SUPT3H: variants seen among roughly 807,000 people sequenced by gnomAD.
The protein encoded by SUPT3H is SPT3 homolog, SAGA and STAGA complex component.
In SUPT3H, 44 loss-of-function variants were observed where a neutral mutation model predicts 44.3. That is an observed-to-expected ratio of 0.99 (90% confidence interval 0.78 to 1.28). SUPT3H has a LOEUF of 1.28. Among genes scored for constraint, SUPT3H ranks in the 50% most tolerant of loss-of-function variants. The pLI is 0.00. For missense variants in SUPT3H, 380 were observed against 387.1 expected (o/e 0.98, Z 0.15); for synonymous variants, 124 against 125.6 (o/e 0.99, Z 0.09).
chr6:44,905,594 T>C (rs1023871285), intron 10 of SUPT3H, among the ~76,000 whole-genome samples: 5 of 152,072 alleles, frequency 3.3e-5, no homozygotes, highest in Non-Finnish European at 5.9e-5. Context: ...AGTTCAACCA[T>C]TGTGGAAGTC....
At chr6:45,293,966 C>A (rs1473123899) in intron 2 of SUPT3H, among the ~76,000 whole-genome samples, 2 of 152,014 alleles carry the variant, frequency 1.3e-5, no homozygotes, top group South Asian at 2.1e-4. Context: ...AAAGAGGGAA[C>A]CCTCCCTAAA....
rs1257946269 is a variant in SUPT3H at position 44,826,961 on chromosome 6, A to T, written c.*2855T>A. On this transcript the variant is annotated 3_prime_UTR_variant, in exon 11 of 11. Coordinates refer to ENST00000371459, the MANE Select transcript of SUPT3H (RefSeq NM_003599.4). ...GTATTTTTGAATCACAACGATTACAATCTAAGAAGGCAGGAAAGCTAATGG... is the reference window on the plus strand; with the variant it reads ...GTATTTTTGAATCACAACGATTACATTCTAAGAAGGCAGGAAAGCTAATGG... Among the ~76,000 whole-genome samples, 1 of 152,224 alleles carries T rather than the reference A, an allele frequency of 6.6e-6. No individual in the cohort carries two copies. Among genetic ancestry groups the T allele is most frequent in the African/African-American group, 2.4e-5 (1 of 41,468 alleles).
At chr6:45,188,305 G>A (rs1044727796) in intron 2 of SUPT3H, among the ~76,000 whole-genome samples, 2 of 152,236 alleles carry the variant, frequency 1.3e-5, no homozygotes, top group Admixed American at 6.5e-5. Context: ...AGATTGCTAA[G>A]ACGTATAGTA....
intron 2 of SUPT3H, among the ~76,000 whole-genome samples, chr6:45,186,591 T>C (rs1228426422): frequency 6.6e-6 from 1 of 152,166 alleles, no homozygotes; most frequent in African/African-American, 2.4e-5. Context: ...ACCACACTTC[T>C]ACCAGATTTA....
At chr6:44,866,044 C>T (rs1414052080) in intron 10 of SUPT3H, among the ~76,000 whole-genome samples, 1 of 148,070 alleles carries the variant, frequency 6.8e-6, no homozygotes, top group Non-Finnish European at 1.5e-5. Context: ...AGAGAGATAA[C>T]AGGAATTAAA....
intron 2 of SUPT3H, among the ~76,000 whole-genome samples, chr6:45,162,579 G>A (rs1176801512): frequency 6.6e-6 from 1 of 152,048 alleles, no homozygotes; most frequent in African/African-American, 2.4e-5. Flanking sequence ...CTCAACAAAT[G>A]GGTATAAAAC....
At chr6:44,883,551 A>G (rs186014277) in intron 10 of SUPT3H, among the ~76,000 whole-genome samples, 1 of 152,328 alleles carries the variant, frequency 6.6e-6, no homozygotes, top group Admixed American at 6.5e-5. Context: ...TGGAATCAAA[A>G]AAGAGCTCAT....
chr6:44,859,202 T>C (rs1774217431), intron 10 of SUPT3H, among the ~76,000 whole-genome samples: 1 of 152,218 alleles, frequency 6.6e-6, no homozygotes, highest in Non-Finnish European at 1.5e-5. Flanking sequence ...AAGAGGGTGA[T>C]ACTGTGTCTC....
chr6:45,056,480 T>A (rs909635470), intron 3 of SUPT3H, among the ~76,000 whole-genome samples: 1 of 152,214 alleles, frequency 6.6e-6, no homozygotes, highest in African/African-American at 2.4e-5. Context: ...AGGTACATCA[T>A]GGAATACTCC....
chr6:45,317,002 G>A (rs543220261), intron 2 of SUPT3H, among the ~76,000 whole-genome samples: 60 of 151,998 alleles, frequency 3.9e-4, no homozygotes, highest in East Asian at 5.8e-4. Context: ...CAAGGTGGGC[G>A]GATCACTTGA....
chr6:45,184,206 G>T (rs1344974019), intron 2 of SUPT3H, among the ~76,000 whole-genome samples: 1 of 152,118 alleles, frequency 6.6e-6, no homozygotes, highest in African/African-American at 2.4e-5. Flanking sequence ...TTAAGTTTTA[G>T]AAACAGTGTG....
At chr6:45,042,843 G>C (rs1229039476) in intron 3 of SUPT3H, among the ~76,000 whole-genome samples, 2 of 151,832 alleles carry the variant, frequency 1.3e-5, no homozygotes, top group South Asian at 2.1e-4. Flanking sequence ...TTGGAACCAA[G>C]CCAAATGTCC....
intron 3 of SUPT3H, among the ~76,000 whole-genome samples, chr6:45,035,520 T>C (rs1787545773): frequency 6.6e-6 from 1 of 152,136 alleles, no homozygotes; most frequent in South Asian, 2.1e-4. Context: ...TAGTTGCGAA[T>C]TGTTACCAAC....
intron 10 of SUPT3H, among the ~76,000 whole-genome samples, chr6:44,864,983 A>T (rs1775279879): frequency 6.6e-6 from 1 of 152,150 alleles, no homozygotes. Flanking sequence ...TATAAACCGA[A>T]TGCCTTTAAC....
intron 9 of SUPT3H, among the ~76,000 whole-genome samples, chr6:44,946,396 A>G (rs1378812236): frequency 6.6e-6 from 1 of 152,216 alleles, no homozygotes; most frequent in African/African-American, 2.4e-5. Context: ...GGATCCAAGG[A>G]AAGTAAATGA....
intron 3 of SUPT3H, among the ~76,000 whole-genome samples, chr6:45,055,050 T>C (rs1377521218): frequency 6.9e-6 from 1 of 145,026 alleles, no homozygotes; most frequent in Admixed American, 6.7e-5. Flanking sequence ...GAAAAAAACT[T>C]GAGCAGAGAC....
chr6:45,137,658 T>C (rs1166895892), intron 2 of SUPT3H, among the ~76,000 whole-genome samples: 1 of 151,608 alleles, frequency 6.6e-6, no homozygotes, highest in African/African-American at 2.4e-5. Context: ...TAATAATGAA[T>C]GAACAGAGAA....
At chr6:45,361,725 C>T (rs1794297281) in intron 2 of SUPT3H, 1 of 152,200 alleles carries the variant, frequency 6.6e-6, no homozygotes, top group Admixed American at 6.5e-5. Flanking sequence ...CCCACTAACA[C>T]TTGTTAGACT....
At chr6:45,148,064 C>T (rs1234446289) in intron 2 of SUPT3H, among the ~76,000 whole-genome samples, 1 of 152,062 alleles carries the variant, frequency 6.6e-6, no homozygotes, top group African/African-American at 2.4e-5. Context: ...GAATTATAGA[C>T]ATAGATTTAA....
Sources: allele counts gnomAD v4.1 joint callset (sites outside exome capture counted in the v4.1 genomes callset), GRCh38; gene constraint gnomAD v4.1.1; transcripts MANE v1.5; gene names NCBI Gene and HGNC (gene_info 2026-07-23, HGNC 2026-07-21).